Variants in NACC2 observed in about 807,000 individuals in gnomAD.
NACC2 encodes the protein nucleus accumbens-associated protein 2.
Under a neutral mutation model 25.1 loss-of-function variants are expected in NACC2, and 8 were observed. The observed-to-expected ratio is 0.32, with a 90% CI of 0.19 to 0.57. The LOEUF (loss-of-function observed/expected upper bound fraction) is 0.57, where lower values mean the gene tolerates loss of function less well. NACC2 is among the 20% of genes least tolerant of loss of function. The probability of loss-of-function intolerance (pLI) is 0.89; values close to 1 mark genes in which losing one functional copy is unlikely to be tolerated. For synonymous variants in NACC2, 435 were observed against 294.7 expected, an observed-to-expected ratio of 1.48 and a Z score of -4.88; for missense variants, 644 against 650.2, an observed-to-expected ratio of 0.99 and a Z score of 0.10.
intron 3 of NACC2, among the ~76,000 whole-genome samples, chr9:136,015,365 GGCCACA>G (rs1840184030): frequency 6.6e-6 from 1 of 152,188 alleles, no homozygotes; most frequent in Non-Finnish European, 1.5e-5. Flanking sequence ...TGGGAGCTCA[GGCCACA>G]GCAAGGTGGG....
chr9:136,062,650 C>T, intron 1 of NACC2, among the ~76,000 whole-genome samples: 1 of 152,360 alleles, frequency 6.6e-6, no homozygotes, highest in Non-Finnish European at 1.5e-5. Flanking sequence ...CACAGTGGCT[C>T]ATGCCTGTAA....
intron 3 of NACC2, among the ~76,000 whole-genome samples, chr9:136,014,632 G>A (rs183519787): frequency 6.6e-6 from 1 of 152,284 alleles, no homozygotes; most frequent in African/African-American, 2.4e-5. Context: ...CCTGGGTTTG[G>A]GAAACACTCA....
At chr9:136,024,327 AGTGT>A (rs1249639203) in intron 2 of NACC2, among the ~76,000 whole-genome samples, 5 of 110,236 alleles carry the variant, frequency 4.5e-5, no homozygotes, top group African/African-American at 1.1e-4. Context: ...GTGAGGACAG[AGTGT>A]GTGTGTGTGA....
intron 1 of NACC2, among the ~76,000 whole-genome samples, chr9:136,080,669 C>T (rs1006814480): frequency 1.3e-5 from 2 of 152,170 alleles, no homozygotes; most frequent in Non-Finnish European, 2.9e-5. Flanking sequence ...GGACACTCCA[C>T]GGAGCTCTTG....
At position 136,084,544 on chromosome 9, in the gene NACC2, C is replaced by G. The variant is rs150102788; in HGVS notation, c.-60+10645G>C. 2.1e-3 allele frequency among the ~76,000 whole-genome samples: 316 copies of G among 152,306 alleles called. No homozygotes were observed. Among genetic ancestry groups the G allele is most frequent in the African/African-American group, 7.4e-3 (308 of 41,566 alleles). ...AAATCTGTCAAACTGGCCCAGACCCCGGAGTCAGGGTCACGAAGGCCATGG... is the reference window on the plus strand; with the variant it reads ...AAATCTGTCAAACTGGCCCAGACCCGGGAGTCAGGGTCACGAAGGCCATGG... On this transcript the variant is annotated intron_variant, in intron 1 of 5. Coordinates refer to ENST00000277554, the MANE Select transcript of NACC2 (RefSeq NM_144653.5). This position sits in a 1 kb window ranked among gnomAD's most constrained non-coding sequence, Gnocchi z 5.1.
intron 2 of NACC2, among the ~76,000 whole-genome samples, chr9:136,024,092 AGT>A (rs569563668): frequency 4.1e-5 from 6 of 147,388 alleles, no homozygotes; most frequent in South Asian, 4.3e-4. Flanking sequence ...TGAGGGCCAG[AGT>A]GTGTGTGTGT....
intron 1 of NACC2, among the ~76,000 whole-genome samples, chr9:136,052,594 G>A (rs1488537257): frequency 2.6e-5 from 4 of 152,156 alleles, no homozygotes; most frequent in Non-Finnish European, 5.9e-5. Flanking sequence ...CCTCTGCCCA[G>A]GCGGCAGGCC....
Position 136,084,727 on chromosome 9 carries a change from GCA to G in NACC2, c.-60+10460_-60+10461del, listed in dbSNP as rs1308738953. 6.6e-6 allele frequency among the ~76,000 whole-genome samples: 1 copy of G among 152,156 alleles called. No homozygotes were observed. The highest frequency in any genetic ancestry group is 1.5e-5 in the Non-Finnish European group (1 of 68,014). On this transcript the variant is annotated intron_variant, in intron 1 of 5. Coordinates refer to ENST00000277554, the MANE Select transcript of NACC2 (RefSeq NM_144653.5). The surrounding 1 kb of genome is among the most constrained non-coding windows in gnomAD (Gnocchi z 5.1). ...ACAGTCAAAGGAAATGGCGGCGGGC[GCA>G]CACACACACATACATCACGCAGCCT...
intron 1 of NACC2, 119 bp from the exon 2 acceptor site, chr9:136,050,699 CG>C: frequency 1.6e-6 from 1 of 620,104 alleles, no homozygotes; most frequent in East Asian, 2.8e-5. Flanking sequence ...CTTCCGCACG[CG>C]CCCTCCCCCG....
chr9:136,072,850 C>CAAAT (rs61208098), intron 1 of NACC2, among the ~76,000 whole-genome samples: 73,201 of 150,216 alleles, frequency 0.49, 17,998 homozygotes, highest in Middle Eastern at 0.62. Context: ...AACTCCGTCT[C>CAAAT]AAATAAATAA....
At chr9:136,094,868 G>A (rs1177279128) in intron 1 of NACC2, among the ~76,000 whole-genome samples, 7 of 151,366 alleles carry the variant, frequency 4.6e-5, no homozygotes, top group Admixed American at 2.0e-4. Flanking sequence ...GCAGGCGGCG[G>A]GGAGCGCCCC....
At chr9:136,045,838 A>G (rs2131158463) in intron 2 of NACC2, among the ~76,000 whole-genome samples, 1 of 152,200 alleles carries the variant, frequency 6.6e-6, no homozygotes, top group South Asian at 2.1e-4. Flanking sequence ...GTGGATCCAG[A>G]TGTGCCAAGG....
At position 136,050,029 on chromosome 9, in the gene NACC2, C is replaced by G. The variant is rs1329449997; in HGVS notation, c.493G>C (p.Val165Leu). The stretch of plus-strand genomic sequence containing the variant: ...ACTCGGGTCAGCAGCGGGATGGGCA[C>G]CGAGGGGGACACGACGTAGGGGGCC... ...AAAPYVVSPS[V>L]PIPLLTRVKH... The change falls in exon 2 of 6, where the codon GTG becomes CTG. Residue 165 changes from valine (V) to leucine (L), a missense_variant. Coordinates refer to ENST00000277554, the MANE Select transcript of NACC2 (RefSeq NM_144653.5). The G allele has an allele frequency of 5.7e-6, 4 of 703,496 alleles. No homozygotes were observed. The highest frequency in any genetic ancestry group is 1.9e-5 in the Admixed American group (1 of 52,070). 43.6% of individuals were successfully genotyped at this position (703,496 alleles called of 1,614,324 possible). A position where few individuals can be genotyped will look rare whatever the true frequency, so the allele number is the denominator to read the frequency against.
In NACC2 at chr9:136,008,476, AAT is replaced by A. The variant is rs1840056977; in HGVS notation, c.*3038_*3039del. 6.6e-6 allele frequency: 1 copy of A among 152,334 alleles called. No homozygotes were observed. The allele number at this position is 152,334 out of a possible 1,614,324, so 9.4% of individuals were successfully genotyped here. On this transcript the variant is annotated 3_prime_UTR_variant, in exon 6 of 6. Coordinates refer to ENST00000277554, the MANE Select transcript of NACC2 (RefSeq NM_144653.5). ...TTCTATATAGGATATGCGTATTGCT[AAT>A]AGTCAGGCTTAGGGATAAAGGTGCA...
intron 1 of NACC2, among the ~76,000 whole-genome samples, chr9:136,093,877 G>C (rs900447391): frequency 6.6e-6 from 1 of 152,204 alleles, no homozygotes; most frequent in African/African-American, 2.4e-5. Context: ...CTGCTGGGGG[G>C]TGCTACAGGC....
chr9:136,012,127 G>A lies in NACC2; in HGVS notation c.1256-103C>T, dbSNP rs575369429. 40 of 1,364,716 alleles carry A rather than the reference G, an allele frequency of 2.9e-5. 1 individual carries two copies. The South Asian group carries it at 4.3e-4, about 15-fold the overall frequency. The allele number at this position is 1,364,716 out of a possible 1,614,324, so 84.5% of individuals were successfully genotyped here. A position where few individuals can be genotyped will look rare whatever the true frequency, so the allele number is the denominator to read the frequency against. On this transcript the variant is annotated intron_variant, in intron 5 of 5. Transcript: ENST00000277554. ...ATGCCCTGGATGAGCCTCCCCGGCCGCTCCTGGGGCCCATGTGACCACCTG... is the reference window on the plus strand; with the variant it reads ...ATGCCCTGGATGAGCCTCCCCGGCCACTCCTGGGGCCCATGTGACCACCTG...
intron 1 of NACC2, among the ~76,000 whole-genome samples, chr9:136,072,219 C>G (rs1313428791): frequency 6.7e-6 from 1 of 150,266 alleles, no homozygotes; most frequent in African/African-American, 2.5e-5. Flanking sequence ...GCCTGGGCAA[C>G]AAGAGTGAAA....
At chr9:136,027,156 C>T (rs1471220960) in intron 2 of NACC2, among the ~76,000 whole-genome samples, 1 of 152,120 alleles carries the variant, frequency 6.6e-6, no homozygotes, top group African/African-American at 2.4e-5. Context: ...ACCCGGGAGG[C>T]GGAGGTTGCA....
intron 2 of NACC2, among the ~76,000 whole-genome samples, chr9:136,031,860 C>T (rs972260977): frequency 6.6e-6 from 1 of 152,238 alleles, no homozygotes; most frequent in African/African-American, 2.4e-5. Context: ...TGCCTCCAGG[C>T]CCTGGCTCTG....
Sources: gnomAD v4.1 joint callset for allele counts (sites outside exome capture counted in the v4.1 genomes callset) on GRCh38, gnomAD v4.1.1 for gene constraint, Gnocchi (gnomAD v3.1) non-coding constraint, MANE v1.5 for transcripts, NCBI Gene and HGNC (gene_info 2026-07-23, HGNC 2026-07-21) for gene names.